ADGRG5: variants seen among roughly 807,000 people sequenced by gnomAD.
ADGRG5 encodes adhesion G protein-coupled receptor G5, also known as G protein-coupled receptor 114.
A neutral mutation model predicts 53.2 loss-of-function variants in ADGRG5; 37 were observed. The ratio of observed to expected loss-of-function variants is 0.70; its 90% CI spans 0.53 to 0.91. The LOEUF is 0.91. Among genes scored for constraint, ADGRG5 ranks in the 40% least tolerant of loss-of-function variants. The pLI, the probability that ADGRG5 is intolerant of heterozygous loss-of-function variation, is 0.00. For missense variants in ADGRG5, 614 were observed against 675.8 expected (o/e 0.91, Z 1.01); for synonymous variants, 277 against 290.4 (o/e 0.95, Z 0.47).
chr16:57,529,222 AG>A, the ADGRG5 span: 1 of 1,148,862 alleles, frequency 8.7e-7, no homozygotes, highest in Non-Finnish European at 1.1e-6. The surrounding 1 kb of genome is among the most constrained non-coding windows in gnomAD (Gnocchi z 4.1). Context: ...GGTCGGGCTC[AG>A]GGGCGGCTCC....
chr16:57,534,611 C>T, the ADGRG5 span, among the ~76,000 whole-genome samples: 15 of 152,152 alleles, frequency 9.9e-5, no homozygotes, highest in Non-Finnish European at 2.2e-4. Context: ...TTGAAGTCCA[C>T]GAGCGAGGGC....
At position 57,563,267 on chromosome 16, in the gene ADGRG5, G is replaced by A. The variant is rs1241729740; in HGVS notation, c.297+20G>A. The A allele has an allele frequency of 6.2e-7, 1 of 1,611,298 alleles. No individual in the cohort carries two copies. The highest frequency in any genetic ancestry group is 8.5e-7 in the Non-Finnish European group (1 of 1,178,942). On this transcript the variant is annotated intron_variant, in intron 4 of 11. Coordinates refer to ENST00000349457, the MANE Select transcript of ADGRG5 (RefSeq NM_001304376.3). ...CCCCAGGTCAGAGGCTGCGGGTTGGGGGGTGTGGCCAGCTGCCCCGCCCTA... is the reference window on the plus strand; with the variant it reads ...CCCCAGGTCAGAGGCTGCGGGTTGGAGGGTGTGGCCAGCTGCCCCGCCCTA...
upstream of ADGRG5, among the ~76,000 whole-genome samples, chr16:57,541,592 T>C (rs1229013039): frequency 6.6e-6 from 1 of 152,176 alleles, no homozygotes; most frequent in Non-Finnish European, 1.5e-5. Context: ...TTTGGGCTGA[T>C]GCGGGAAGGG....
rs559751098 is a variant in ADGRG5 at position 57,545,357 on chromosome 16, A to G, written c.-39+2656A>G. Among the ~76,000 whole-genome samples, 3 of 152,348 alleles carry G rather than the reference A, an allele frequency of 2.0e-5. No individual in the cohort carries two copies. In the South Asian group the frequency reaches 6.2e-4, roughly 32 times the overall value. ...ATTTCAATTTGAAAAATGAATCTAT[A>G]AAAGTACTGGAAGAAACAGGCAAAT... On this transcript the variant is annotated intron_variant, in intron 1 of 11. Coordinates refer to ENST00000349457, the MANE Select transcript of ADGRG5 (RefSeq NM_001304376.3).
At position 57,566,704 on chromosome 16, in the gene ADGRG5, C is replaced by G; in HGVS notation, c.652C>G (p.Gln218Glu). 1.3e-6 allele frequency: 2 copies of G among 1,584,796 alleles called. No individual in the cohort carries two copies. The highest frequency in any genetic ancestry group is 1.7e-6 in the Non-Finnish European group (2 of 1,166,224). ...GCRTEQPSHS[Q>E]VLCRCNHLTY... ...TCGTACAGAGCAGCCCTCCCACTCTCAGGTGCTCTGCCGCTGCAACCACCT... is the reference window on the plus strand; with the variant it reads ...TCGTACAGAGCAGCCCTCCCACTCTGAGGTGCTCTGCCGCTGCAACCACCT... The change falls in exon 7 of 12, where the codon CAG becomes GAG. Residue 218 changes from glutamine to glutamate, a missense_variant. Transcript: ENST00000349457.
At chr16:57,564,937 C>T in intron 5 of ADGRG5, 97 bp from the exon 6 acceptor site, 1 of 715,372 alleles carries the variant, frequency 1.4e-6, no homozygotes, top group African/African-American at 1.8e-5. Flanking sequence ...ACGTGAAAGT[C>T]TTGCTGCTTG....
In ADGRG5 at chr16:57,562,089, A is replaced by G. The variant is rs1466931326; in HGVS notation, c.-5A>G. ...CCAGTTCTTGGAGGAGACTCTGCAC[A>G]GGGCATGGATCACTGTGGTGCCCTT... On this transcript the variant is annotated 5_prime_UTR_variant, in exon 2 of 12. Coordinates refer to ENST00000349457, the MANE Select transcript of ADGRG5 (RefSeq NM_001304376.3). 6 of 1,554,614 alleles carry G rather than the reference A, an allele frequency of 3.9e-6. No individual in the cohort carries two copies. The highest frequency in any genetic ancestry group is 1.4e-5 in the African/African-American group (1 of 73,018).
At chr16:57,545,939 G>A (rs2032607328) in intron 1 of ADGRG5, among the ~76,000 whole-genome samples, 1 of 151,866 alleles carries the variant, frequency 6.6e-6, no homozygotes, top group Non-Finnish European at 1.5e-5. Context: ...GATTCTCCTG[G>A]CTCAGCCTCC....
In ADGRG5 at chr16:57,568,004, G is replaced by C; in HGVS notation, c.970G>C (p.Ala324Pro). The change falls in exon 9 of 12, where the codon GCG becomes CCG. Residue 324 changes from alanine to proline, a missense_variant. Physicochemically the swap from Ala to Pro is conservative, Grantham distance 27. Transcript: ENST00000349457. ...CTALAAALHYALLSCLTWMAI... is the reference protein window; with the variant it reads ...CTALAAALHYPLLSCLTWMAI... ...GGCTCTGGCCGCTGCCCTGCACTACGCGCTGCTCAGCTGCCTCACCTGGAT... is the reference window on the plus strand; with the variant it reads ...GGCTCTGGCCGCTGCCCTGCACTACCCGCTGCTCAGCTGCCTCACCTGGAT... 1.2e-6 allele frequency: 2 copies of C among 1,614,044 alleles called. No individual in the cohort carries two copies. Among genetic ancestry groups the C allele is most frequent in the Non-Finnish European group, 1.7e-6 (2 of 1,179,968 alleles).
At chr16:57,535,769 T>C in the ADGRG5 span, among the ~76,000 whole-genome samples, 1 of 152,140 alleles carries the variant, frequency 6.6e-6, no homozygotes, top group Non-Finnish European at 1.5e-5. Context: ...TCAGTTTCCT[T>C]ACCTACAGGA....
At chr16:57,529,419 G>A in the ADGRG5 span, 1 of 261,568 alleles carries the variant, frequency 3.8e-6, no homozygotes, top group Non-Finnish European at 6.5e-6. The surrounding 1 kb of genome is among the most constrained non-coding windows in gnomAD (Gnocchi z 4.1). Context: ...GAACGGCCAA[G>A]GTAGGAGGAG....
At chr16:57,531,456 C>T in the ADGRG5 span, among the ~76,000 whole-genome samples, 1 of 151,312 alleles carries the variant, frequency 6.6e-6, no homozygotes. Context: ...ACACCACCTT[C>T]ACTCACCTGG....
chr16:57,548,176 CTTT>C (rs57571395), intron 1 of ADGRG5, among the ~76,000 whole-genome samples: 2 of 141,714 alleles, frequency 1.4e-5, no homozygotes, highest in Non-Finnish European at 1.5e-5. Flanking sequence ...CTATACACAT[CTTT>C]TTTTTTTTTT....
chr16:57,557,478 G>T (rs2032909848), intron 1 of ADGRG5, among the ~76,000 whole-genome samples: 1 of 151,978 alleles, frequency 6.6e-6, no homozygotes, highest in Admixed American at 6.5e-5. Context: ...AGAGCTTCTT[G>T]GATCTGTGGT....
chr16:57,543,794 G>T (rs1240974406), intron 1 of ADGRG5, among the ~76,000 whole-genome samples: 1 of 152,180 alleles, frequency 6.6e-6, no homozygotes, highest in Non-Finnish European at 1.5e-5. Flanking sequence ...CTTGTGCTCA[G>T]ATGTATTCCT....
At chr16:57,571,791 C>T (rs529514630) in intron 10 of ADGRG5, among the ~76,000 whole-genome samples, 1 of 151,496 alleles carries the variant, frequency 6.6e-6, no homozygotes, top group South Asian at 2.1e-4. Flanking sequence ...ATTACAGGCG[C>T]GTGCCACCAC....
chr16:57,533,795 G>A, the ADGRG5 span, among the ~76,000 whole-genome samples: 1 of 152,168 alleles, frequency 6.6e-6, no homozygotes, highest in Non-Finnish European at 1.5e-5. Flanking sequence ...CTCACTGAGG[G>A]GCAGCAGCAG....
At chr16:57,573,725 A>T (rs774916606) in intron 10 of ADGRG5, among the ~76,000 whole-genome samples, 2 of 152,006 alleles carry the variant, frequency 1.3e-5, no homozygotes, top group East Asian at 3.9e-4. Flanking sequence ...CATTTGATTT[A>T]TTTTTATTTA....
intron 1 of ADGRG5, among the ~76,000 whole-genome samples, chr16:57,545,552 T>C (rs1033846500): frequency 2.0e-5 from 3 of 152,174 alleles, no homozygotes; most frequent in Non-Finnish European, 4.4e-5. Context: ...TGCCAGTTGA[T>C]ACAAAAGTGC....
Sources: gnomAD v4.1 joint callset for allele counts (sites outside exome capture counted in the v4.1 genomes callset) on GRCh38, gnomAD v4.1.1 for gene constraint, Gnocchi (gnomAD v3.1) non-coding constraint, MANE v1.5 for transcripts, NCBI Gene and HGNC (gene_info 2026-07-23, HGNC 2026-07-21) for gene names.